Variants in TMC6 observed in about 807,000 individuals in gnomAD.
TMC6 encodes transmembrane channel-like protein 6.
In TMC6, 71 loss-of-function variants were observed where a neutral mutation model predicts 95.4. That is an observed-to-expected ratio of 0.74 (90% CI 0.61 to 0.91). The LOEUF (loss-of-function observed/expected upper bound fraction) is 0.91, where lower values mean the gene tolerates loss of function less well. TMC6 is among the 40% of genes least tolerant of loss of function. The pLI is 0.00. For synonymous variants in TMC6, 514 were observed against 483.1 expected (o/e 1.06, Z -0.84); for missense variants, 1,074 against 1,079.1 (o/e 1.00, Z 0.07).
rs567679978 is a variant in TMC6 at position 78,118,893 on chromosome 17, G to C, written c.1887+78C>G. ...AGGTGGGGAGGGTTCTAGTGTCCCAGGCTCTGCCCAGCTGAGTCCTGCCCC... is the reference window on the plus strand; with the variant it reads ...AGGTGGGGAGGGTTCTAGTGTCCCACGCTCTGCCCAGCTGAGTCCTGCCCC... On this transcript the variant is annotated intron_variant, in intron 15 of 19. Transcript: ENST00000590602. 2.7e-6 allele frequency: 4 copies of C among 1,474,252 alleles called. No individual in the cohort carries two copies. In the African/African-American group the frequency reaches 4.2e-5, roughly 15 times the overall value. 91.3% of individuals were successfully genotyped at this position (1,474,252 alleles called of 1,614,324 possible).
At chr17:78,118,600 A>G (rs1341958715) in intron 15 of TMC6, among the ~76,000 whole-genome samples, 1 of 152,186 alleles carries the variant, frequency 6.6e-6, no homozygotes, top group Non-Finnish European at 1.5e-5. Context: ...GATGGGAAGA[A>G]AGGTCCCAGT....
In TMC6 at chr17:78,117,600, G is replaced by A; in HGVS notation, c.2066C>T (p.Thr689Ile). The change falls in exon 17 of 20, where the codon ACC becomes ATC. Residue 689 changes from threonine to isoleucine, a missense_variant. Transcript: ENST00000590602. ...STCGPFRTLD[T>I]MYEAGRVWVR... ...CCACACCCTGCCGGCCTCGTACATG[G>A]TGTCCAGGGTCCGGAAGGGGCCGCA... The A allele has an allele frequency of 6.3e-7, 1 of 1,582,802 alleles. No individual in the cohort carries two copies. Among genetic ancestry groups the A allele is most frequent in the Non-Finnish European group, 8.6e-7 (1 of 1,165,924 alleles).
intron 5 of TMC6, among the ~76,000 whole-genome samples, 177 bp from the exon 6 acceptor site, chr17:78,125,440 G>T (rs112479705): frequency 5.9e-5 from 9 of 152,324 alleles, no homozygotes; most frequent in African/African-American, 2.2e-4. Context: ...CGACAAGCAG[G>T]AAGCTCACAG....
rs2074674887 is a variant in TMC6, at chr17:78,125,711, T to C, written c.430+15A>G. ...CCGGTGTCCGCCACTGGGGCTCCAG[T>C]GCCCACTCACTCACCCTCCTCCTCC... On this transcript the variant is annotated intron_variant, in intron 5 of 19. Transcript: ENST00000590602. 3.8e-6 allele frequency: 6 copies of C among 1,560,012 alleles called. No individual in the cohort carries two copies. In the South Asian group the frequency reaches 7.1e-5, roughly 18 times the overall value.
chr17:78,117,510 A>G lies in TMC6; in HGVS notation c.2156T>C (p.Met719Thr). ...SWLPWVHRYLMENTFFVFLVS... is the reference protein window; with the variant it reads ...SWLPWVHRYLTENTFFVFLVS... ...CAGGAAGACAAAGAAGGTGTTTTCC[A>G]TCAGGTACCGGTGCACCCAGGGCAG... Residue 719 changes from methionine (M) to threonine (T), a missense_variant, in exon 17 of 20, where the codon ATG becomes ACG. Physicochemically the swap from Met to Thr is moderately conservative, Grantham distance 81. Transcript: ENST00000590602. 1 of 1,607,740 alleles carries G rather than the reference A, an allele frequency of 6.2e-7. No homozygotes were observed. Among genetic ancestry groups the G allele is most frequent in the Middle Eastern group, 2.1e-4 (1 of 4,690 alleles).
chr17:78,131,235 G>T (rs1176372740), upstream of TMC6: 3 of 412,804 alleles, frequency 7.3e-6, no homozygotes, highest in Non-Finnish European at 1.4e-5. Flanking sequence ...TGCCTGTGCC[G>T]GTCCAGACTT....
rs114853749 is a variant in TMC6, at chr17:78,121,077, G to A, written c.1471C>T (p.Arg491Cys). The A allele has an allele frequency of 1.0e-3, 1,623 of 1,613,108 alleles. 10 individuals carry two copies. The African/African-American group carries it at 0.016, about 16-fold the overall frequency. The change falls in exon 12 of 20, where the codon CGT becomes TGT. Residue 491 changes from arginine to cysteine, a missense_variant. Arg to Cys is a radical substitution (Grantham distance 180, BLOSUM62 -3). Transcript: ENST00000590602. This position sits in a 1 kb window ranked among gnomAD's most constrained non-coding sequence, Gnocchi z 5.6. ...LLNLGAPYLC[R>C]VLAALEPHDS... ...TGCGGCTCCAGGGCGGCCAGGACAC[G>A]GCACAGGTAGGGGGCCCCCAGGTTG...
At position 78,125,898 on chromosome 17, in the gene TMC6, TGGGCAGGGCCGGGCC is replaced by T; in HGVS notation, c.272-29_272-15del. ...CTCGGCTGCGGCCTATGGAGGCAGC[TGGGCAGGGCCGGGCC>T]GGGCAGGGCCAGGCCTCCCTCCCCT... On this transcript the variant is annotated splice_polypyrimidine_tract_variant and intron_variant, in intron 4 of 19. Transcript: ENST00000590602. 6.5e-7 allele frequency: 1 copy of T among 1,550,282 alleles called. No homozygotes were observed. Among genetic ancestry groups the T allele is most frequent in the African/African-American group, 1.4e-5 (1 of 73,122 alleles).
At position 78,122,505 on chromosome 17, in the gene TMC6, T is replaced by G. The variant is rs2074464787; in HGVS notation, c.1227+100A>C. 6.5e-7 allele frequency: 1 copy of G among 1,541,306 alleles called. No individual in the cohort carries two copies. The highest frequency in any genetic ancestry group is 1.2e-5 in the South Asian group (1 of 85,010). On this transcript the variant is annotated intron_variant, in intron 10 of 19. Coordinates refer to ENST00000590602, the MANE Select transcript of TMC6 (RefSeq NM_001127198.5). This position sits in a 1 kb window ranked among gnomAD's most constrained non-coding sequence, Gnocchi z 4.9. ...AGTTCAGCTCACGGACAGCTGGCCC[T>G]CCCTCTAGACCATGGTTCTGGTCAC...
upstream of TMC6, chr17:78,131,770 G>C (rs760934609): frequency 1.3e-6 from 2 of 1,563,530 alleles, no homozygotes; most frequent in Non-Finnish European, 1.7e-6. Flanking sequence ...ACGGTGCGTG[G>C]GGGGGGTGCT....
chr17:78,131,774 G>C, upstream of TMC6: 1 of 1,559,700 alleles, frequency 6.4e-7, no homozygotes. Context: ...TGCGTGGGGG[G>C]GGTGCTGCGA....
chr17:78,131,785 G>C (rs560768129), upstream of TMC6: 426 of 1,547,416 alleles, frequency 2.8e-4, 2 homozygotes, highest in South Asian at 2.1e-3. Flanking sequence ...GGTGCTGCGA[G>C]GCTGCCCCGT....
Position 78,121,386 on chromosome 17 carries a change from G to C in TMC6, c.1383+170C>G, listed in dbSNP as rs1023153996. 1.3e-5 allele frequency among the ~76,000 whole-genome samples: 2 copies of C among 152,174 alleles called. No homozygotes were observed. The highest frequency in any genetic ancestry group is 4.8e-5 in the African/African-American group (2 of 41,438). On this transcript the variant is annotated intron_variant, in intron 11 of 19. Coordinates refer to ENST00000590602, the MANE Select transcript of TMC6 (RefSeq NM_001127198.5). This position sits in a 1 kb window ranked among gnomAD's most constrained non-coding sequence, Gnocchi z 5.6. ...AAATAAAACCGTGAGACAGGACAAG[G>C]GGCTGAGAAGTGGGGCTCGGAGGGG... is the stretch of plus-strand genomic sequence containing the variant.
chr17:78,112,703 A>G lies in TMC6; in HGVS notation c.*445T>C, dbSNP rs145932555. The stretch of plus-strand genomic sequence containing the variant: ...CTGCTCGGCTCACTTGTGCAGGTGT[A>G]AGCCCCTCCTGGGCGCGAGTTCAGG... On this transcript the variant is annotated 3_prime_UTR_variant, in exon 20 of 20. Coordinates refer to ENST00000590602, the MANE Select transcript of TMC6 (RefSeq NM_001127198.5). The G allele has an allele frequency of 3.7e-5, 9 of 240,792 alleles. No homozygotes were observed. Among genetic ancestry groups the G allele is most frequent in the Non-Finnish European group, 7.4e-5 (9 of 121,274 alleles). 14.9% of individuals were successfully genotyped at this position (240,792 alleles called of 1,614,324 possible). A position where few individuals can be genotyped will look rare whatever the true frequency, so the allele number is the denominator to read the frequency against.
rs866058450 is a variant in TMC6 at position 78,126,321 on chromosome 17, G to A, written c.227C>T (p.Thr76Met). Residue 76 changes from threonine (T) to methionine (M), a missense_variant, in exon 4 of 20, where the codon ACG becomes ATG. Physicochemically the swap from Thr to Met is moderately conservative, Grantham distance 81 (BLOSUM62 -1). Coordinates refer to ENST00000590602, the MANE Select transcript of TMC6 (RefSeq NM_001127198.5). ...GCTGGCCAGGATGCGGAGTGTGGCC[G>A]TGCTCTGGGTGCCCTCGGGCCGCCA... ...TLWRPEGTQS[T>M]ATLRILASMP... 61 of 1,573,752 alleles carry A rather than the reference G, an allele frequency of 3.9e-5. No individual in the cohort carries two copies. Among genetic ancestry groups the A allele is most frequent in the African/African-American group, 3.6e-4 (27 of 74,186 alleles).
rs369244849 is a variant in TMC6, at chr17:78,125,900, G to C, written c.272-16C>G. 1,216 of 1,550,206 alleles carry C rather than the reference G, an allele frequency of 7.8e-4. 2 individuals carry two copies. Among genetic ancestry groups the C allele is most frequent in the Admixed American group, 1.3e-3 (65 of 50,992 alleles). On this transcript the variant is annotated splice_polypyrimidine_tract_variant and intron_variant, in intron 4 of 19. Transcript: ENST00000590602. ...CGGCTGCGGCCTATGGAGGCAGCTG[G>C]GCAGGGCCGGGCCGGGCAGGGCCAG...
chr17:78,132,202 G>A (rs1201848318), upstream of TMC6: 2 of 1,372,280 alleles, frequency 1.5e-6, no homozygotes, highest in Non-Finnish European at 1.0e-6. Context: ...TCGGGCCCAC[G>A]CAGCACCCCC....
upstream of TMC6, chr17:78,131,837 C>G (rs2145572519): frequency 6.7e-7 from 1 of 1,483,498 alleles, no homozygotes; most frequent in South Asian, 1.3e-5. Flanking sequence ...CCCGGGTGGG[C>G]AGGGCGGGTG....
Position 78,124,074 on chromosome 17 carries a change from C to T in TMC6, c.997G>A (p.Gly333Ser). 1 of 1,613,458 alleles carries T rather than the reference C, an allele frequency of 6.2e-7. No homozygotes were observed. The highest frequency in any genetic ancestry group is 8.5e-7 in the Non-Finnish European group (1 of 1,179,974). The change falls in exon 9 of 20, where the codon GGT becomes AGT. Residue 333 changes from glycine (G) to serine (S), a missense_variant. Physicochemically the swap from Gly to Ser is moderately conservative, Grantham distance 56. Transcript: ENST00000590602. ...AGGGGCATGTTGTAGGGCAGGCCACCCACCCTGGGTGTGCACTGGCTGCCA... is the reference window on the plus strand; with the variant it reads ...AGGGGCATGTTGTAGGGCAGGCCACTCACCCTGGGTGTGCACTGGCTGCCA... ...LDGSQCTPRV[G>S]GLPYNMPLAY...
Sources: gnomAD v4.1 joint callset for allele counts (sites outside exome capture counted in the v4.1 genomes callset) on GRCh38, gnomAD v4.1.1 for gene constraint, Gnocchi (gnomAD v3.1) non-coding constraint, MANE v1.5 for transcripts, NCBI Gene and HGNC (gene_info 2026-07-23, HGNC 2026-07-21) for gene names.